Variants in TESC observed in about 807,000 individuals in gnomAD.
TESC encodes tescalcin.
A neutral mutation model predicts 31.0 loss-of-function variants in TESC; 19 were observed. The ratio of observed to expected loss-of-function variants is 0.61; its 90% CI spans 0.43 to 0.90. TESC has a LOEUF of 0.90. TESC is among the 40% of genes least tolerant of loss of function. TESC has a pLI of 0.00. For synonymous variants in TESC, 109 were observed against 114.8 expected (o/e 0.95, Z 0.32); for missense variants, 248 against 303.8 (o/e 0.82, Z 1.36).
intron 1 of TESC, among the ~76,000 whole-genome samples, chr12:117,075,985 A>T (rs10850755): frequency 0.28 from 27,832 of 99,824 alleles, 4,685 homozygotes; most frequent in African/African-American, 0.4. Flanking sequence ...ATATATATAT[A>T]TTTTTTTTTT....
At chr12:117,090,228 G>A (rs1161351418) in intron 1 of TESC, among the ~76,000 whole-genome samples, 1 of 152,220 alleles carries the variant, frequency 6.6e-6, no homozygotes, top group Admixed American at 6.5e-5. Context: ...AGAATTAATA[G>A]TGTCTGCATA....
At chr12:117,068,575 C>T (rs1954918696) in intron 2 of TESC, among the ~76,000 whole-genome samples, 1 of 152,112 alleles carries the variant, frequency 6.6e-6, no homozygotes, top group African/African-American at 2.4e-5. Flanking sequence ...AAAACAGGAC[C>T]TGGAGTTAGG....
intron 3 of TESC, among the ~76,000 whole-genome samples, chr12:117,056,471 T>G (rs983071493): frequency 6.7e-6 from 1 of 149,178 alleles, no homozygotes; most frequent in Non-Finnish European, 1.5e-5. Flanking sequence ...ACTTCTGGCC[T>G]CAAGTATCCT....
chr12:117,065,483 G>T lies in TESC; in HGVS notation c.129-8597C>A, dbSNP rs555884188. Among the ~76,000 whole-genome samples the T allele has an allele frequency of 2.6e-5, 4 of 152,294 alleles. No individual in the cohort carries two copies. In the East Asian group the frequency reaches 7.7e-4, roughly 29 times the overall value. On this transcript the variant is annotated intron_variant, in intron 2 of 7. Coordinates refer to ENST00000335209, the MANE Select transcript of TESC (RefSeq NM_017899.4). ...GGGGACCTCTGGGAGGGATGAGGAG[G>T]TGCTTGCTTTGAAAGGGGCATGTTA...
intron 2 of TESC, among the ~76,000 whole-genome samples, chr12:117,074,648 T>C (rs1288162393): frequency 6.6e-6 from 1 of 152,116 alleles, no homozygotes; most frequent in Non-Finnish European, 1.5e-5. Flanking sequence ...GCCCGGCAGT[T>C]GGAAGGACCC....
intron 6 of TESC, among the ~76,000 whole-genome samples, chr12:117,046,316 C>T (rs1565958814): frequency 6.6e-6 from 1 of 152,206 alleles, no homozygotes; most frequent in African/African-American, 2.4e-5. Context: ...CAGGTGGGGG[C>T]TCCTGGACCC....
At chr12:117,079,754 A>T (rs892034220) in intron 1 of TESC, among the ~76,000 whole-genome samples, 1 of 152,184 alleles carries the variant, frequency 6.6e-6, no homozygotes, top group East Asian at 1.9e-4. Context: ...GACACTGTCA[A>T]TGGGCACTGG....
In TESC at chr12:117,039,116, G is replaced by A. The variant is rs369878165; in HGVS notation, c.*17C>T. 2.0e-4 allele frequency: 318 copies of A among 1,613,210 alleles called. No individual in the cohort carries two copies. Among genetic ancestry groups the A allele is most frequent in the Non-Finnish European group, 2.5e-4 (295 of 1,179,716 alleles). On this transcript the variant is annotated 3_prime_UTR_variant, in exon 8 of 8. Transcript: ENST00000335209. ...CCCCATTGCAAAGTGCAGTTTCTCC[G>A]CGGAGGTGGCGGTGGGTCAGTGGCA...
chr12:117,045,776 G>A (rs1242422573), intron 6 of TESC, among the ~76,000 whole-genome samples: 1 of 152,188 alleles, frequency 6.6e-6, no homozygotes, highest in African/African-American at 2.4e-5. Flanking sequence ...GACACACAGG[G>A]GCAAAGGGCT....
In TESC at chr12:117,059,624, A is replaced by G. The variant is rs563075376; in HGVS notation, c.129-2738T>C. ...GCCCAGGCTGGAGCGCGGTGGCACA[A>G]TCTCGGCTCAATCTCCATGGGCCTG... On this transcript the variant is annotated intron_variant, in intron 2 of 7. Transcript: ENST00000335209. Among the ~76,000 whole-genome samples the G allele has an allele frequency of 1.0e-3, 155 of 152,210 alleles. 2 individuals carry two copies. The highest frequency in any genetic ancestry group is 4.9e-3 in the Admixed American group (75 of 15,288).
intron 3 of TESC, 93 bp from the exon 4 acceptor site, chr12:117,049,251 G>A: frequency 2.6e-6 from 4 of 1,555,278 alleles, no homozygotes; most frequent in Non-Finnish European, 3.5e-6. Flanking sequence ...CGCTCTCAGG[G>A]TGCACACTGG....
intron 3 of TESC, among the ~76,000 whole-genome samples, chr12:117,055,591 G>A (rs1954710148): frequency 6.6e-6 from 1 of 152,224 alleles, no homozygotes; most frequent in Admixed American, 6.5e-5. Context: ...CACAGCAGGA[G>A]GAATAGGGTG....
At chr12:117,043,541 C>G (rs1954515417) in intron 6 of TESC, among the ~76,000 whole-genome samples, 1 of 152,182 alleles carries the variant, frequency 6.6e-6, no homozygotes, top group South Asian at 2.1e-4. Context: ...CTCACTGTGA[C>G]CTCTGCCTCC....
At chr12:117,067,942 T>A (rs991912811) in intron 2 of TESC, among the ~76,000 whole-genome samples, 5 of 152,138 alleles carry the variant, frequency 3.3e-5, no homozygotes, top group African/African-American at 1.2e-4. Flanking sequence ...TCACCTAGGC[T>A]GGAGTGCAGT....
chr12:117,069,714 A>G (rs1292162742), intron 2 of TESC, among the ~76,000 whole-genome samples: 1 of 152,192 alleles, frequency 6.6e-6, no homozygotes, highest in South Asian at 2.1e-4. Flanking sequence ...TGGCTTAAAA[A>G]CAAAATCAAT....
intron 4 of TESC, 199 bp downstream of exon 4, chr12:117,048,820 A>AT: frequency 1.2e-6 from 1 of 813,270 alleles, no homozygotes; most frequent in East Asian, 2.7e-5. Flanking sequence ...GCTGCTGAGG[A>AT]ATGTTTAGGA....
chr12:117,078,592 A>G (rs1348958381), intron 1 of TESC, among the ~76,000 whole-genome samples: 1 of 152,232 alleles, frequency 6.6e-6, no homozygotes, highest in Non-Finnish European at 1.5e-5. Context: ...TGCCTTTAAC[A>G]GTGACAGTTG....
intron 2 of TESC, among the ~76,000 whole-genome samples, chr12:117,062,348 A>C (rs1954810731): frequency 6.6e-6 from 1 of 151,884 alleles, no homozygotes; most frequent in Admixed American, 6.6e-5. Context: ...CAGCCACCCG[A>C]GTAGCTGGGA....
At chr12:117,093,765 AACTC>A (rs1482412927) in intron 1 of TESC, among the ~76,000 whole-genome samples, 1 of 151,452 alleles carries the variant, frequency 6.6e-6, no homozygotes, top group Non-Finnish European at 1.5e-5. Context: ...ATGAGGTCTG[AACTC>A]TAGGTCTGGA....
Sources: allele counts gnomAD v4.1 joint callset (sites outside exome capture counted in the v4.1 genomes callset), GRCh38; gene constraint gnomAD v4.1.1; transcripts MANE v1.5; gene names NCBI Gene and HGNC (gene_info 2026-07-23, HGNC 2026-07-21).